The following FNIP1 variants were observed in gnomAD, a reference collection of about 807,000 sequenced individuals.
The protein encoded by FNIP1 is folliculin-interacting protein 1.
In FNIP1, 40 loss-of-function variants were observed where a neutral mutation model predicts 124.5. The ratio of observed to expected loss-of-function variants is 0.32; its 90% CI spans 0.25 to 0.42. FNIP1 has a LOEUF of 0.42. Ranked by LOEUF, FNIP1 falls within the 10% of genes least tolerant of loss-of-function variation. FNIP1 has a pLI of 1.00. For missense variants in FNIP1, 1,176 were observed against 1,403.7 expected, an observed-to-expected ratio of 0.84 and a Z score of 2.59; for synonymous variants, 472 against 470.6, an observed-to-expected ratio of 1.00 and a Z score of -0.04.
chr5:131,708,597 C>A (rs1316491538), intron 8 of FNIP1, among the ~76,000 whole-genome samples: 2 of 152,160 alleles, frequency 1.3e-5, no homozygotes, highest in African/African-American at 4.8e-5. Context: ...TTCGCTGAAG[C>A]TTTTTGCGCA....
intron 17 of FNIP1, 110 bp downstream of exon 17, chr5:131,646,980 G>T: frequency 2.3e-6 from 2 of 881,948 alleles, no homozygotes; most frequent in Non-Finnish European, 3.7e-6. Context: ...ACAGCCTCCA[G>T]CTTCTAATAG....
At chr5:131,723,059 C>T (rs1240528096) in intron 3 of FNIP1, among the ~76,000 whole-genome samples, 1 of 152,118 alleles carries the variant, frequency 6.6e-6, no homozygotes, top group Non-Finnish European at 1.5e-5. Flanking sequence ...CTAATTTATT[C>T]TTGAGATTTG....
chr5:131,665,308 T>C (rs1580737221), intron 15 of FNIP1, among the ~76,000 whole-genome samples: 2 of 152,198 alleles, frequency 1.3e-5, no homozygotes, highest in South Asian at 2.1e-4. Context: ...GAATAGCTGA[T>C]GGTAGAGTTA....
intron 16 of FNIP1, among the ~76,000 whole-genome samples, chr5:131,651,308 A>G (rs2149503788): frequency 6.6e-6 from 1 of 152,296 alleles, no homozygotes; most frequent in East Asian, 1.9e-4. Flanking sequence ...CAGGAGGATC[A>G]CCTGAGCCCA....
intron 15 of FNIP1, among the ~76,000 whole-genome samples, chr5:131,657,155 C>T (rs1254530535): frequency 6.6e-6 from 1 of 151,886 alleles, no homozygotes; most frequent in Non-Finnish European, 1.5e-5. Context: ...AGGCACCTGC[C>T]ACCATGCCTG....
intron 11 of FNIP1, among the ~76,000 whole-genome samples, chr5:131,683,635 C>T (rs756206019): frequency 4.6e-5 from 7 of 151,322 alleles, no homozygotes; most frequent in African/African-American, 7.3e-5. Context: ...ATTGTTATAC[C>T]GCATTGGTTT....
intron 1 of FNIP1, among the ~76,000 whole-genome samples, chr5:131,785,853 T>C (rs1772199706): frequency 6.6e-6 from 1 of 152,174 alleles, no homozygotes; most frequent in Admixed American, 6.5e-5. Flanking sequence ...AAAATATTTA[T>C]TTTTTAATAT....
At chr5:131,721,782 A>C (rs1220829715) in intron 3 of FNIP1, among the ~76,000 whole-genome samples, 1 of 152,234 alleles carries the variant, frequency 6.6e-6, no homozygotes, top group Non-Finnish European at 1.5e-5. Flanking sequence ...TGGGCGACAG[A>C]GCAAGACTTC....
In FNIP1 at chr5:131,796,837, C is replaced by T; in HGVS notation, c.85G>A (p.Gly29Arg). 6.3e-7 allele frequency: 1 copy of T among 1,591,180 alleles called. No individual in the cohort carries two copies. The highest frequency in any genetic ancestry group is 8.6e-7 in the Non-Finnish European group (1 of 1,169,496). ...PGRDARDPDCGFSWPLPEFDP... is the reference protein window; with the variant it reads ...PGRDARDPDCRFSWPLPEFDP... ...CGCCCCACAGCGCCCTACCTGAACC[C>T]GCAATCTGGGTCCCGGGCGTCGCGG... The change falls in exon 1 of 18, where the codon GGG becomes AGG. Residue 29 changes from glycine to arginine, a missense_variant. By Grantham distance (125) the Gly-to-Arg change is moderately radical (BLOSUM62 -2). Around this residue, in one of 2 missense-constraint regions of FNIP1, gnomAD observed 1,109 missense variants for 1,288.5 expected, o/e 0.86. Transcript: ENST00000510461.
At chr5:131,701,305 T>G (rs1768894131) in intron 10 of FNIP1, among the ~76,000 whole-genome samples, 1 of 152,224 alleles carries the variant, frequency 6.6e-6, no homozygotes, top group Non-Finnish European at 1.5e-5. Context: ...TGCTTTAGGT[T>G]ACAGAATTAT....
At chr5:131,647,352 GT>G in intron 16 of FNIP1, 147 bp from the exon 17 acceptor site, 1 of 543,912 alleles carries the variant, frequency 1.8e-6, no homozygotes, top group Non-Finnish European at 3.2e-6. Flanking sequence ...AAAGTATGTA[GT>G]TTTAGCTAAA....
intron 1 of FNIP1, among the ~76,000 whole-genome samples, chr5:131,758,433 C>T (rs1159331961): frequency 2.0e-5 from 3 of 152,134 alleles, no homozygotes; most frequent in Admixed American, 6.6e-5. Context: ...CATCATGTTC[C>T]TTCTTTTTTA....
chr5:131,691,715 TAG>T (rs1561657301), intron 11 of FNIP1, among the ~76,000 whole-genome samples: 2 of 152,198 alleles, frequency 1.3e-5, no homozygotes, highest in Admixed American at 6.5e-5. Context: ...CCCACAAATT[TAG>T]ATGAAATGCA....
intron 15 of FNIP1, among the ~76,000 whole-genome samples, chr5:131,669,907 T>TAAAA (rs1767701815): frequency 7.9e-6 from 1 of 126,520 alleles, no homozygotes; most frequent in African/African-American, 2.8e-5. Flanking sequence ...TTCTAGCCAG[T>TAAAA]ACAATGAGTC....
chr5:131,689,512 G>A (rs1459541184), intron 11 of FNIP1, among the ~76,000 whole-genome samples: 1 of 152,144 alleles, frequency 6.6e-6, no homozygotes, highest in Non-Finnish European at 1.5e-5. Context: ...TTGAATGACA[G>A]CAATGTTATA....
chr5:131,755,504 G>T (rs900756978), intron 1 of FNIP1, among the ~76,000 whole-genome samples: 28 of 151,806 alleles, frequency 1.8e-4, no homozygotes, highest in African/African-American at 6.8e-4. Flanking sequence ...CCAGACACAG[G>T]AGTTACTGAC....
At chr5:131,786,462 T>C (rs574358669) in intron 1 of FNIP1, among the ~76,000 whole-genome samples, 298 of 152,272 alleles carry the variant, frequency 2.0e-3, no homozygotes, top group African/African-American at 6.6e-3. Context: ...TGCAAACACA[T>C]GAAACAGATT....
At chr5:131,786,267 T>C (rs1343592440) in intron 1 of FNIP1, among the ~76,000 whole-genome samples, 2 of 152,224 alleles carry the variant, frequency 1.3e-5, no homozygotes, top group Admixed American at 6.5e-5. Flanking sequence ...ATACCAGAAG[T>C]ACAGCACTAA....
At chr5:131,668,698 T>C (rs1037379710) in intron 15 of FNIP1, among the ~76,000 whole-genome samples, 3 of 151,902 alleles carry the variant, frequency 2.0e-5, no homozygotes, top group African/African-American at 7.3e-5. Flanking sequence ...AAAAATGAAA[T>C]AAAATAAAAT....
Sources: allele counts gnomAD v4.1 joint callset (sites outside exome capture counted in the v4.1 genomes callset), GRCh38; gene constraint gnomAD v4.1.1; regional missense constraint gnomAD v4.1.1; transcripts MANE v1.5; gene names NCBI Gene and HGNC (gene_info 2026-07-23, HGNC 2026-07-21).